The following USP3 variants were observed in gnomAD, a reference collection of about 807,000 sequenced individuals.
USP3 encodes ubiquitin specific peptidase 3, also known as ubiquitin carboxyl-terminal hydrolase 3.
USP3 carries 20 observed loss-of-function variants against 72.3 expected under a neutral mutation model. The ratio of observed to expected loss-of-function variants is 0.28; its 90% CI spans 0.19 to 0.40. The LOEUF is 0.40. USP3 is among the 10% of genes least tolerant of loss of function. The pLI, the probability that USP3 is intolerant of heterozygous loss-of-function variation, is 1.00. For synonymous variants in USP3, 222 were observed against 225.3 expected (o/e 0.99, Z 0.13); for missense variants, 479 against 633.9 (o/e 0.76, Z 2.62).
At chr15:63,568,114 G>A (rs1275675332) in intron 8 of USP3, among the ~76,000 whole-genome samples, 1 of 152,120 alleles carries the variant, frequency 6.6e-6, no homozygotes, top group African/African-American at 2.4e-5. Flanking sequence ...CAGCACTTTG[G>A]GAGGCCGAGG....
At chr15:63,547,749 GGAGGGAGGGAGGGAGAGAGAGAGAGAGA>G (rs2066355984) in intron 3 of USP3, among the ~76,000 whole-genome samples, 1 of 26,776 alleles carries the variant, frequency 3.7e-5, no homozygotes, top group African/African-American at 1.5e-4. Flanking sequence ...AGAGAGGGAG[GGAGGGAGGGAGGGAGAGAGAGAGAGAGA>G]GAGAGAGAGA....
intron 5 of USP3, 92 bp downstream of exon 5, chr15:63,556,840 G>T: frequency 2.2e-6 from 2 of 904,912 alleles, no homozygotes; most frequent in Non-Finnish European, 3.3e-6. Flanking sequence ...ACCTGTTACA[G>T]ACTTTTATAA....
chr15:63,566,358 G>A (rs1023691712), intron 8 of USP3, among the ~76,000 whole-genome samples: 2 of 151,510 alleles, frequency 1.3e-5, no homozygotes, highest in African/African-American at 2.4e-5. Flanking sequence ...AGCCGAGACT[G>A]GAGTGCAGTG....
chr15:63,568,009 G>T (rs1043253734), intron 8 of USP3, among the ~76,000 whole-genome samples: 1 of 152,150 alleles, frequency 6.6e-6, no homozygotes, highest in Non-Finnish European at 1.5e-5. Flanking sequence ...TTAGGAGAAG[G>T]GGGTAATCTT....
At position 63,544,694 on chromosome 15, in the gene USP3, A is replaced by G. The variant is rs896545833; in HGVS notation, c.284+7538A>G. 1.4e-6 allele frequency: 1 copy of G among 701,906 alleles called. No individual in the cohort carries two copies. Among genetic ancestry groups the G allele is most frequent in the Non-Finnish European group, 2.6e-6 (1 of 384,628 alleles). The allele number at this position is 701,906 out of a possible 1,614,324, so 43.5% of individuals were successfully genotyped here. A position where few individuals can be genotyped will look rare whatever the true frequency, so the allele number is the denominator to read the frequency against. On this transcript the variant is annotated intron_variant, in intron 3 of 14. Transcript: ENST00000380324. This position sits in a 1 kb window ranked among gnomAD's most constrained non-coding sequence, Gnocchi z 4.2. ...ATGAGGAATATTGTTTTGCCATTAA[A>G]TAAGTGAATAGTGCGAAATGGAAAA...
At position 63,507,121 on chromosome 15, in the gene USP3, A is replaced by G. The variant is rs149032695; in HGVS notation, c.91+2291A>G. 4.0e-5 allele frequency among the ~76,000 whole-genome samples: 6 copies of G among 151,834 alleles called. No homozygotes were observed. In the East Asian group the frequency reaches 9.7e-4, roughly 24 times the overall value. On this transcript the variant is annotated intron_variant, in intron 1 of 14. Transcript: ENST00000380324. The stretch of plus-strand genomic sequence containing the variant: ...TTTATTTTTGTTTTTTTCATAGGGG[A>G]CCAAAAGGGTAGCCGATGTGTTGAC...
At chr15:63,587,043 C>CTT (rs2067081010) in intron 11 of USP3, among the ~76,000 whole-genome samples, 2 of 152,176 alleles carry the variant, frequency 1.3e-5, no homozygotes, top group South Asian at 4.1e-4. Context: ...GGCTTGGAAA[C>CTT]TTGAGTACAG....
At chr15:63,505,446 A>G (rs1182107163) in intron 1 of USP3, among the ~76,000 whole-genome samples, 1 of 151,956 alleles carries the variant, frequency 6.6e-6, no homozygotes, top group East Asian at 1.9e-4. Context: ...TCCGTCAGGG[A>G]TGGTGAAGTT....
rs1420177428 is a variant in USP3 at position 63,588,724 on chromosome 15, G to T, written c.1238G>T (p.Arg413Ile). The change falls in exon 13 of 15, where the codon AGA becomes ATA. Residue 413 changes from arginine to isoleucine, a missense_variant. Physicochemically the swap from Arg to Ile is moderately conservative, Grantham distance 97. Coordinates refer to ENST00000380324, the MANE Select transcript of USP3 (RefSeq NM_006537.4). This position sits in a 1 kb window ranked among gnomAD's most constrained non-coding sequence, Gnocchi z 4.6. ...LPKVLCLHLK[R>I]FHWTAYLRNK... is the part of the protein sequence containing the mutation. ...CAGGTGCTATGCTTACATTTGAAAA[G>T]ATTTCATTGGACAGCATATTTAAGA... The T allele has an allele frequency of 3.1e-6, 5 of 1,613,698 alleles. No homozygotes were observed. Among genetic ancestry groups the T allele is most frequent in the Non-Finnish European group, 1.7e-6 (2 of 1,179,760 alleles).
rs1040346213 is a variant in USP3 at position 63,544,893 on chromosome 15, A to T, written c.284+7737A>T. Among the ~76,000 whole-genome samples the T allele has an allele frequency of 3.3e-5, 5 of 152,324 alleles. No individual in the cohort carries two copies. The South Asian group carries it at 8.3e-4, about 25-fold the overall frequency. ...AATACTATACTTAGTTCAGTTACAGATAGCTATGGAATTGAAAGTTTCTCA... is the reference window on the plus strand; with the variant it reads ...AATACTATACTTAGTTCAGTTACAGTTAGCTATGGAATTGAAAGTTTCTCA... On this transcript the variant is annotated intron_variant, in intron 3 of 14. Coordinates refer to ENST00000380324, the MANE Select transcript of USP3 (RefSeq NM_006537.4). The surrounding 1 kb of genome is among the most constrained non-coding windows in gnomAD (Gnocchi z 4.2).
At position 63,592,791 on chromosome 15, in the gene USP3, C is replaced by T. The variant is rs1221251980; in HGVS notation, c.*1965C>T. On this transcript the variant is annotated 3_prime_UTR_variant, in exon 15 of 15. Coordinates refer to ENST00000380324, the MANE Select transcript of USP3 (RefSeq NM_006537.4). ...TTTTTTTAAGTTTATGATATAAAAA[C>T]AGTCTGGTGGCTTTCCCTCAGGTTG... 6.7e-6 allele frequency: 1 copy of T among 149,954 alleles called. No individual in the cohort carries two copies. Among genetic ancestry groups the T allele is most frequent in the Non-Finnish European group, 1.5e-5 (1 of 67,588 alleles). The allele number at this position is 149,954 out of a possible 1,614,324, so 9.3% of individuals were successfully genotyped here. A position where few individuals can be genotyped will look rare whatever the true frequency, so the allele number is the denominator to read the frequency against.
intron 11 of USP3, among the ~76,000 whole-genome samples, chr15:63,587,367 A>C (rs773401644): frequency 1.3e-5 from 2 of 152,194 alleles, no homozygotes; most frequent in Non-Finnish European, 2.9e-5. Flanking sequence ...AGATTTATGA[A>C]TATCTGATTG....
Position 63,530,711 on chromosome 15 carries a change from A to G in USP3, c.92-1936A>G, listed in dbSNP as rs536089077. ...CCAAATCATACCTCAAACCATGAAT[A>G]GCTGTTCAAGTAAGCTGTGTACTAG... On this transcript the variant is annotated intron_variant, in intron 1 of 14. Coordinates refer to ENST00000380324, the MANE Select transcript of USP3 (RefSeq NM_006537.4). 16 of 351,400 alleles carry G rather than the reference A, an allele frequency of 4.6e-5. No individual in the cohort carries two copies. The Admixed American group carries it at 5.6e-4, about 12-fold the overall frequency. 21.8% of individuals were successfully genotyped at this position (351,400 alleles called of 1,614,324 possible). A position where few individuals can be genotyped will look rare whatever the true frequency, so the allele number is the denominator to read the frequency against.
intron 2 of USP3, among the ~76,000 whole-genome samples, chr15:63,533,144 C>T (rs1309101421): frequency 6.6e-6 from 1 of 152,098 alleles, no homozygotes; most frequent in South Asian, 2.1e-4. Context: ...CTATTACCTA[C>T]CCCATCCCCA....
At chr15:63,511,055 T>C (rs559809495) in intron 1 of USP3, among the ~76,000 whole-genome samples, 1 of 152,158 alleles carries the variant, frequency 6.6e-6, no homozygotes, top group East Asian at 1.9e-4. Context: ...AGTAGGAAGA[T>C]AACTGAGAAC....
chr15:63,548,855 G>A (rs1357178390), intron 3 of USP3, among the ~76,000 whole-genome samples: 1 of 151,972 alleles, frequency 6.6e-6, no homozygotes, highest in African/African-American at 2.4e-5. Context: ...CACCACGCCC[G>A]ACTATAAAAT....
At position 63,525,114 on chromosome 15, in the gene USP3, C is replaced by T. The variant is rs2065963786; in HGVS notation, c.92-7533C>T. ...AAAGGGATAGAGGCAAAAGAGAGCC[C>T]CCAGAAGGAGGAAAGTGGAAAAATT... On this transcript the variant is annotated intron_variant, in intron 1 of 14. Coordinates refer to ENST00000380324, the MANE Select transcript of USP3 (RefSeq NM_006537.4). Among the ~76,000 whole-genome samples, 4 of 152,042 alleles carry T rather than the reference C, an allele frequency of 2.6e-5. No homozygotes were observed. In the South Asian group the frequency reaches 6.2e-4, roughly 24 times the overall value.
chr15:63,524,915 G>A (rs2065961810), intron 1 of USP3, among the ~76,000 whole-genome samples: 1 of 152,174 alleles, frequency 6.6e-6, no homozygotes, highest in Admixed American at 6.5e-5. Context: ...TGAGGACATA[G>A]ACCCTGTCTC....
chr15:63,537,141 G>C lies in USP3; in HGVS notation c.269G>C (p.Ser90Thr). ...VQHTVCMDCS[S>T]YSTYCYRCDD... ...CACACAGTATGTATGGATTGCAGTA[G>C]CTACAGTACATACTGGTAAGTTAAC... The change falls in exon 3 of 15, where the codon AGC (serine) becomes ACC (threonine). Residue 90 changes from serine (S) to threonine (T), a missense_variant. Transcript: ENST00000380324. 6.2e-7 allele frequency: 1 copy of C among 1,613,336 alleles called. No individual in the cohort carries two copies.
Sources: allele counts gnomAD v4.1 joint callset (sites outside exome capture counted in the v4.1 genomes callset), GRCh38; gene constraint gnomAD v4.1.1; non-coding constraint Gnocchi (gnomAD v3.1); transcripts MANE v1.5; gene names NCBI Gene and HGNC (gene_info 2026-07-23, HGNC 2026-07-21).